The following SH3BP4 variants were observed in gnomAD, a reference collection of about 807,000 sequenced individuals.
The protein encoded by SH3BP4 is SH3 domain binding protein 4.
SH3BP4 carries 33 observed loss-of-function variants against 65.5 expected under a neutral mutation model. The ratio of observed to expected loss-of-function variants is 0.50; its 90% CI spans 0.38 to 0.67. The LOEUF is 0.67. Among genes scored for constraint, SH3BP4 ranks in the 30% least tolerant of loss-of-function variants. SH3BP4 has a pLI of 0.00. For synonymous variants in SH3BP4, 552 were observed against 545.5 expected, an observed-to-expected ratio of 1.01 and a Z score of -0.17; for missense variants, 1,134 against 1,261.4, an observed-to-expected ratio of 0.90 and a Z score of 1.53.
At chr2:235,020,443 G>C (rs1305352242) in intron 2 of SH3BP4, among the ~76,000 whole-genome samples, 1 of 152,132 alleles carries the variant, frequency 6.6e-6, no homozygotes, top group African/African-American at 2.4e-5. Flanking sequence ...GTTGCAGTGA[G>C]CCGAAATTGT....
At chr2:234,990,644 C>A (rs536949626) in intron 1 of SH3BP4, among the ~76,000 whole-genome samples, 1 of 152,308 alleles carries the variant, frequency 6.6e-6, no homozygotes, top group African/African-American at 2.4e-5. Context: ...GAAGAGTTCA[C>A]GGAGCATTTT....
intron 2 of SH3BP4, among the ~76,000 whole-genome samples, chr2:235,003,555 A>C (rs1029782275): frequency 3.3e-5 from 5 of 151,996 alleles, no homozygotes; most frequent in Non-Finnish European, 7.4e-5. Flanking sequence ...CTGGAACTAA[A>C]CTCTCTGGTC....
intron 3 of SH3BP4, among the ~76,000 whole-genome samples, chr2:235,040,589 C>G (rs575736394): frequency 1.3e-5 from 2 of 151,408 alleles, no homozygotes; most frequent in East Asian, 3.9e-4. Flanking sequence ...ATGTTTAGGG[C>G]GTAGGGCATG....
At chr2:234,975,498 G>T (rs1693142599) in intron 1 of SH3BP4, among the ~76,000 whole-genome samples, 1 of 152,196 alleles carries the variant, frequency 6.6e-6, no homozygotes, top group Non-Finnish European at 1.5e-5. Flanking sequence ...TGCAAGACAA[G>T]CACTGTAAGT....
At chr2:234,988,957 G>C (rs1190870562) in intron 1 of SH3BP4, among the ~76,000 whole-genome samples, 1 of 152,214 alleles carries the variant, frequency 6.6e-6, no homozygotes, top group Admixed American at 6.5e-5. Context: ...CATCAGGTGA[G>C]ATTTCAGGCC....
In SH3BP4 at chr2:235,034,591, C is replaced by T. The variant is rs185583134; in HGVS notation, c.-132-280C>T. On this transcript the variant is annotated intron_variant, in intron 2 of 5. Transcript: ENST00000392011. This position sits in a 1 kb window ranked among gnomAD's most constrained non-coding sequence, Gnocchi z 6.2. ...ACTGGCCAGGTGCTGGAGCACATTT[C>T]GCAAACACCCTTACGCCCCTAAGAA... is the stretch of plus-strand genomic sequence containing the variant. Among the ~76,000 whole-genome samples the T allele has an allele frequency of 4.4e-3, 665 of 152,312 alleles. 1 individual carries two copies. The highest frequency in any genetic ancestry group is 0.01 in the Middle Eastern group (3 of 294).
chr2:235,043,282 T>C, intron 4 of SH3BP4, 35 bp downstream of exon 4: 4 of 1,508,314 alleles, frequency 2.7e-6, no homozygotes, highest in Non-Finnish European at 3.6e-6. Flanking sequence ...CGTTCAGGGG[T>C]GCTGCTCAGC....
Position 235,053,965 on chromosome 2 carries a change from G to A in SH3BP4, c.*149G>A, listed in dbSNP as rs527788792. ...AGCTAGGCTACACCCATCATGCGCCGCCCTCCTCCATCGAGGGAGAGGCCT... is the reference window on the plus strand; with the variant it reads ...AGCTAGGCTACACCCATCATGCGCCACCCTCCTCCATCGAGGGAGAGGCCT... On this transcript the variant is annotated 3_prime_UTR_variant, in exon 6 of 6. Transcript: ENST00000392011. The A allele has an allele frequency of 1.6e-5, 10 of 627,696 alleles. No homozygotes were observed. Among genetic ancestry groups the A allele is most frequent in the East Asian group, 5.5e-5 (2 of 36,430 alleles). The allele number at this position is 627,696 out of a possible 1,614,324, so 38.9% of individuals were successfully genotyped here.
At chr2:235,000,557 T>TC (rs1440420442) in intron 2 of SH3BP4, among the ~76,000 whole-genome samples, 3 of 152,066 alleles carry the variant, frequency 2.0e-5, no homozygotes, top group Non-Finnish European at 2.9e-5. Flanking sequence ...GATCTTGGGC[T>TC]CGGGCTCTGA....
At chr2:234,975,520 ATAT>A (rs1166895423) in intron 1 of SH3BP4, among the ~76,000 whole-genome samples, 1 of 152,206 alleles carries the variant, frequency 6.6e-6, no homozygotes, top group Non-Finnish European at 1.5e-5. Context: ...GCTTCATTTC[ATAT>A]ATGGGGAAAC....
intron 2 of SH3BP4, among the ~76,000 whole-genome samples, chr2:235,011,627 C>T (rs927122216): frequency 3.3e-5 from 5 of 152,206 alleles, no homozygotes; most frequent in Non-Finnish European, 5.9e-5. Flanking sequence ...CTGCTGAGAA[C>T]AGCGACAGTC....
rs1696078214 is a variant in SH3BP4 at position 235,052,207 on chromosome 2, T to G, written c.2479-355T>G. 6.6e-6 allele frequency among the ~76,000 whole-genome samples: 1 copy of G among 152,076 alleles called. No individual in the cohort carries two copies. The highest frequency in any genetic ancestry group is 6.5e-5 in the Admixed American group (1 of 15,272). ...GCCTTCTTCTCTCTGCCTCTCTGTC[T>G]GCTTTCTCTTCTTATGAAGACGCCA... On this transcript the variant is annotated intron_variant, in intron 4 of 5. Transcript: ENST00000392011. The surrounding 1 kb of genome is among the most constrained non-coding windows in gnomAD (Gnocchi z 5.0).
chr2:235,050,397 G>A (rs1360300574), intron 4 of SH3BP4, among the ~76,000 whole-genome samples: 6 of 151,952 alleles, frequency 3.9e-5, no homozygotes, highest in Non-Finnish European at 5.9e-5. Flanking sequence ...GATTACAGGC[G>A]TGAGCCACCG....
chr2:234,970,054 C>T (rs1318513376), intron 1 of SH3BP4, among the ~76,000 whole-genome samples: 1 of 143,276 alleles, frequency 7.0e-6, no homozygotes, highest in Non-Finnish European at 1.5e-5. Context: ...TACTCACACA[C>T]ACTCATACAC....
At position 235,042,512 on chromosome 2, in the gene SH3BP4, C is replaced by T. The variant is rs763466891; in HGVS notation, c.1743C>T (p.Pro581=). The change falls in exon 4 of 6, where the codon CCC becomes CCT. Residue 581 remains proline (P), a synonymous_variant. Coordinates refer to ENST00000392011, the MANE Select transcript of SH3BP4 (RefSeq NM_014521.3). This position sits in a 1 kb window ranked among gnomAD's most constrained non-coding sequence, Gnocchi z 7.3. The stretch of plus-strand genomic sequence containing the variant: ...TCTTCCCCATCACCTCCCAGAACCC[C>T]AACGAGCTCTCTGACTTCACGCTGC... The part of the protein sequence containing the change: ...RLIFPITSQN[P]NELSDFTLRV... 2.5e-6 allele frequency: 4 copies of T among 1,614,164 alleles called. No homozygotes were observed. In the South Asian group the frequency reaches 4.4e-5, roughly 18 times the overall value.
At chr2:235,020,446 G>A (rs924343753) in intron 2 of SH3BP4, among the ~76,000 whole-genome samples, 2 of 152,060 alleles carry the variant, frequency 1.3e-5, no homozygotes, top group African/African-American at 2.4e-5. Flanking sequence ...GCAGTGAGCC[G>A]AAATTGTACC....
At chr2:234,998,230 G>T (rs1027567662) in intron 2 of SH3BP4, among the ~76,000 whole-genome samples, 3 of 152,138 alleles carry the variant, frequency 2.0e-5, no homozygotes, top group Non-Finnish European at 4.4e-5. Context: ...CTGGGTGCCT[G>T]GGGGGGCACG....
intron 2 of SH3BP4, among the ~76,000 whole-genome samples, chr2:235,000,009 C>T (rs1281129623): frequency 2.0e-5 from 3 of 152,208 alleles, no homozygotes. Flanking sequence ...AGCTCAAGCT[C>T]TGGGTCCGCT....
In SH3BP4 at chr2:235,052,884, T is replaced by A. The variant is rs1696107092; in HGVS notation, c.2667+134T>A. On this transcript the variant is annotated intron_variant, in intron 5 of 5. Coordinates refer to ENST00000392011, the MANE Select transcript of SH3BP4 (RefSeq NM_014521.3). The surrounding 1 kb of genome is among the most constrained non-coding windows in gnomAD (Gnocchi z 5.0). ...TGCAACAGGTGGAAATGTGCACGCA[T>A]GTGCCCAGCACTGGGTGTGCCTCAC... 3 of 854,982 alleles carry A rather than the reference T, an allele frequency of 3.5e-6. No homozygotes were observed. Among genetic ancestry groups the A allele is most frequent in the Non-Finnish European group, 5.3e-6 (3 of 564,500 alleles). 53.0% of individuals were successfully genotyped at this position (854,982 alleles called of 1,614,324 possible).
Sources: allele counts gnomAD v4.1 joint callset (sites outside exome capture counted in the v4.1 genomes callset), GRCh38; gene constraint gnomAD v4.1.1; non-coding constraint Gnocchi (gnomAD v3.1); transcripts MANE v1.5; gene names NCBI Gene and HGNC (gene_info 2026-07-23, HGNC 2026-07-21).